Variants in KLHL4 observed in about 807,000 individuals in gnomAD.
KLHL4 encodes kelch like family member 4.
Under a neutral mutation model 45.8 loss-of-function variants are expected in KLHL4, and 17 were observed. That is an observed-to-expected ratio of 0.37 (90% CI 0.25 to 0.56). The LOEUF is 0.56. KLHL4 is among the 20% of genes least tolerant of loss of function. KLHL4 has a pLI of 0.79. For missense variants in KLHL4, 544 were observed against 544.9 expected (o/e 1.00, Z 0.02); for synonymous variants, 224 against 189.9 (o/e 1.18, Z -1.47).
intron 1 of KLHL4, among the ~76,000 whole-genome samples, chrX:87,604,343 C>T (rs1287311633): frequency 9.0e-6 from 1 of 111,295 alleles, no homozygotes; most frequent in African/African-American, 3.3e-5. Flanking sequence ...AATCTACATG[C>T]TGTTTTCCAT....
At chrX:87,572,120 T>C (rs1488568048) in intron 1 of KLHL4, among the ~76,000 whole-genome samples, 1 of 111,460 alleles carries the variant, frequency 9.0e-6, no homozygotes, top group African/African-American at 3.2e-5. Flanking sequence ...AATGTGAATA[T>C]TTGTGGTTCT....
At chrX:87,635,822 A>T (rs1923247702) in intron 9 of KLHL4, 47 bp downstream of exon 9, 1 of 955,116 alleles carries the variant, frequency 1.0e-6, no homozygotes, top group Non-Finnish European at 1.4e-6. Flanking sequence ...TGGTTATTTA[A>T]TTTTTTAGAA....
intron 1 of KLHL4, among the ~76,000 whole-genome samples, chrX:87,582,777 T>A (rs1921326124): frequency 9.0e-6 from 1 of 111,236 alleles, no homozygotes; most frequent in African/African-American, 3.3e-5. Context: ...TCGTGGTGAG[T>A]GTTACAGCTC....
At position 87,656,533 on chromosome X, in the gene KLHL4, C is replaced by CT. The variant is rs1326147569; in HGVS notation, c.1926-8222dup. ...AATGAATTTTCCTTTTCAGGAGTTT[C>CT]TTTTTTTTTCTTTTTTTAAAAACTC... On this transcript the variant is annotated intron_variant, in intron 9 of 10. Coordinates refer to ENST00000373119, the MANE Select transcript of KLHL4 (RefSeq NM_019117.5). Among the ~76,000 whole-genome samples, 19 of 105,861 alleles carry CT rather than the reference C, an allele frequency of 1.8e-4. 1 individual carries two copies. The South Asian group carries it at 5.0e-3, about 28-fold the overall frequency. The allele number at this position is 105,861 out of a possible 115,157, so 91.9% of individuals were successfully genotyped here. A position where few individuals can be genotyped will look rare whatever the true frequency, so the allele number is the denominator to read the frequency against.
intron 9 of KLHL4, among the ~76,000 whole-genome samples, chrX:87,640,380 C>T (rs1923412160): frequency 9.0e-6 from 1 of 111,086 alleles, no homozygotes; most frequent in Non-Finnish European, 1.9e-5. Context: ...CAGGAAAGGA[C>T]ATAACAAAAA....
In KLHL4 at chrX:87,669,461, T is replaced by A; in HGVS notation, c.*2927T>A. The A allele has an allele frequency of 2.6e-6, 3 of 1,172,610 alleles. No individual in the cohort carries two copies. Among genetic ancestry groups the A allele is most frequent in the Non-Finnish European group, 3.4e-6 (3 of 871,245 alleles). On this transcript the variant is annotated 3_prime_UTR_variant, in exon 11 of 11. Coordinates refer to ENST00000373119, the MANE Select transcript of KLHL4 (RefSeq NM_019117.5). Reference sequence around the variant, plus strand: ...TGACTCAGGTGTGGCTGTTGCCCCTTTTTGATATGGAGGGAACACTGAAAG... The same window carrying A: ...TGACTCAGGTGTGGCTGTTGCCCCTATTTGATATGGAGGGAACACTGAAAG...
intron 9 of KLHL4, among the ~76,000 whole-genome samples, chrX:87,643,267 A>G (rs1352774084): frequency 9.0e-6 from 1 of 111,579 alleles, no homozygotes; most frequent in African/African-American, 3.3e-5. Context: ...CTCCGAGGGT[A>G]CTATGAACAC....
At chrX:87,546,544 G>T (rs377379187) in intron 1 of KLHL4, among the ~76,000 whole-genome samples, 3 of 112,608 alleles carry the variant, frequency 2.7e-5, no homozygotes, top group East Asian at 5.6e-4. Flanking sequence ...AAGGGAAAAT[G>T]TGGGGTTGGA....
At chrX:87,576,710 G>A (rs1359101576) in intron 1 of KLHL4, among the ~76,000 whole-genome samples, 4 of 110,996 alleles carry the variant, frequency 3.6e-5, no homozygotes, top group African/African-American at 9.8e-5. Context: ...CACTTGTGAC[G>A]GTTTTATATA....
Position 87,668,496 on chromosome X carries a change from G to A in KLHL4, c.*1962G>A. ...CTTCATAGCTGCATTTAAAAATGGTGTTCAGGCCACTATGGCTGCTGTGGT... is the reference window on the plus strand; with the variant it reads ...CTTCATAGCTGCATTTAAAAATGGTATTCAGGCCACTATGGCTGCTGTGGT... On this transcript the variant is annotated 3_prime_UTR_variant, in exon 11 of 11. Coordinates refer to ENST00000373119, the MANE Select transcript of KLHL4 (RefSeq NM_019117.5). 2.7e-6 allele frequency: 2 copies of A among 752,282 alleles called. No individual in the cohort carries two copies. The highest frequency in any genetic ancestry group is 7.6e-4 in the Middle Eastern group (1 of 1,319). 62.0% of individuals were successfully genotyped at this position (752,282 alleles called of 1,213,427 possible). A position where few individuals can be genotyped will look rare whatever the true frequency, so the allele number is the denominator to read the frequency against.
intron 6 of KLHL4, among the ~76,000 whole-genome samples, chrX:87,631,352 C>T (rs1357875945): frequency 3.6e-5 from 4 of 111,143 alleles, no homozygotes; most frequent in Non-Finnish European, 7.5e-5. Context: ...TCAGGCTGCT[C>T]TTTGTTAGAA....
chrX:87,550,785 G>A (rs6617411), intron 1 of KLHL4, among the ~76,000 whole-genome samples: 26,877 of 110,551 alleles, frequency 0.24, 2,760 homozygotes, highest in East Asian at 0.51. Flanking sequence ...TACAGAGAAA[G>A]CATTCAACAA....
chrX:87,528,379 T>G (rs576581971), intron 1 of KLHL4, among the ~76,000 whole-genome samples: 10 of 110,033 alleles, frequency 9.1e-5, no homozygotes, highest in Middle Eastern at 4.7e-3. Flanking sequence ...GAATAAAGCC[T>G]ATGGGACTTA....
chrX:87,602,895 A>G (rs1922065237), intron 1 of KLHL4, among the ~76,000 whole-genome samples: 1 of 111,986 alleles, frequency 8.9e-6, no homozygotes, highest in African/African-American at 3.2e-5. Context: ...AATCATAAGA[A>G]TATGTAAGGT....
In KLHL4 at chrX:87,669,175, C is replaced by T. The variant is rs1167852470; in HGVS notation, c.*2641C>T. The T allele has an allele frequency of 4.7e-6, 5 of 1,061,354 alleles. No individual in the cohort carries two copies. The highest frequency in any genetic ancestry group is 8.0e-5 in the Admixed American group (2 of 24,913). 87.5% of individuals were successfully genotyped at this position (1,061,354 alleles called of 1,213,427 possible). A position where few individuals can be genotyped will look rare whatever the true frequency, so the allele number is the denominator to read the frequency against. On this transcript the variant is annotated 3_prime_UTR_variant, in exon 11 of 11. Coordinates refer to ENST00000373119, the MANE Select transcript of KLHL4 (RefSeq NM_019117.5). ...ATTCTTACAAGAGTGTAAGGGCTCA[C>T]ACATTTACTGTACTCAGATCTGAAA...
chrX:87,655,317 C>T (rs1923953099), intron 9 of KLHL4, among the ~76,000 whole-genome samples: 1 of 111,876 alleles, frequency 8.9e-6, no homozygotes, highest in African/African-American at 3.3e-5. Context: ...TATTGCATTG[C>T]TTCCTAGCTC....
intron 6 of KLHL4, among the ~76,000 whole-genome samples, chrX:87,629,384 A>T (rs1057020472): frequency 3.6e-5 from 4 of 111,499 alleles, no homozygotes; most frequent in Admixed American, 9.6e-5. Flanking sequence ...GGGGGTGGAC[A>T]AAGGGGCTGG....
intron 1 of KLHL4, among the ~76,000 whole-genome samples, chrX:87,537,033 C>T (rs1375271635): frequency 9.0e-6 from 1 of 111,382 alleles, no homozygotes; most frequent in Non-Finnish European, 1.9e-5. Flanking sequence ...AGAATTGCTA[C>T]TGATTTGTTG....
intron 4 of KLHL4, among the ~76,000 whole-genome samples, chrX:87,620,037 A>T (rs1232312772): frequency 9.0e-6 from 1 of 111,388 alleles, no homozygotes; most frequent in Non-Finnish European, 1.9e-5. Flanking sequence ...TCACAGACAC[A>T]CTCAGAATGC....
Sources: allele counts gnomAD v4.1 joint callset (sites outside exome capture counted in the v4.1 genomes callset), GRCh38; gene constraint gnomAD v4.1.1; transcripts MANE v1.5; gene names NCBI Gene and HGNC (gene_info 2026-07-23, HGNC 2026-07-21).